SRGAP2: variants seen among roughly 807,000 people sequenced by gnomAD.
The protein encoded by SRGAP2 is SLIT-ROBO Rho GTPase activating protein 2, also known as SLIT-ROBO Rho GTPase-activating protein 2.
A neutral mutation model predicts 57.2 loss-of-function variants in SRGAP2; 15 were observed. The ratio of observed to expected loss-of-function variants is 0.26; its 90% CI spans 0.18 to 0.40. The LOEUF (loss-of-function observed/expected upper bound fraction) is 0.40, where lower values mean the gene tolerates loss of function less well. SRGAP2 is among the 10% of genes least tolerant of loss of function. The pLI is 1.00. For missense variants in SRGAP2, 520 were observed against 669.6 expected (o/e 0.78, Z 2.47); for synonymous variants, 249 against 248.0 (o/e 1.00, Z -0.04).
At chr1:206,445,904 G>T (rs1298230489) in intron 17 of SRGAP2, among the ~76,000 whole-genome samples, 171 bp from the exon 18 acceptor site, 3 of 152,204 alleles carry the variant, frequency 2.0e-5, no homozygotes, top group Non-Finnish European at 2.9e-5. Context: ...TGACCATTCT[G>T]GTTGTCAGTT....
chr1:206,257,337 ATTT>A (rs1163899818), intron 2 of SRGAP2, among the ~76,000 whole-genome samples: 6 of 74,546 alleles, frequency 8.0e-5, no homozygotes, highest in Admixed American at 1.4e-4. Context: ...ACACACTGCT[ATTT>A]TTTTTTTTTT....
intron 2 of SRGAP2, chr1:206,208,282 T>C (rs1553301687): frequency 6.7e-6 from 1 of 149,718 alleles, no homozygotes; most frequent in Non-Finnish European, 1.5e-5. Flanking sequence ...ATAATAATAG[T>C]AATAATGATA....
At chr1:206,274,231 C>G in intron 2 of SRGAP2, among the ~76,000 whole-genome samples, 1 of 143,648 alleles carries the variant, frequency 7.0e-6, no homozygotes. Flanking sequence ...ACAGGAGAAT[C>G]GCTTGAACCT....
intron 3 of SRGAP2, among the ~76,000 whole-genome samples, chr1:206,333,604 G>GT (rs1674548160): frequency 6.6e-6 from 1 of 152,156 alleles, no homozygotes; most frequent in African/African-American, 2.4e-5. Context: ...ATTGTGCACT[G>GT]TGGCCTCAAG....
At position 206,231,840 on chromosome 1, in the gene SRGAP2, G is replaced by A. The variant is rs1259220370; in HGVS notation, c.67+25803G>A. On this transcript the variant is annotated intron_variant, in intron 2 of 22. Transcript: ENST00000573034. The stretch of plus-strand genomic sequence containing the variant: ...GATGTAAGTCATCATGCCCGGCCTC[G>A]TTTCCTAATTTTAAAAATGAAATTG... Among the ~76,000 whole-genome samples the A allele has an allele frequency of 5.9e-5, 9 of 151,948 alleles. No individual in the cohort carries two copies. In the East Asian group the frequency reaches 1.2e-3, roughly 20 times the overall value.
chr1:206,414,964 G>A (rs150206853), intron 10 of SRGAP2, among the ~76,000 whole-genome samples: 157 of 152,270 alleles, frequency 1.0e-3, no homozygotes, highest in Non-Finnish European at 1.7e-3. Context: ...GCATTTTGTC[G>A]TAATGGTTAA....
chr1:206,443,297 T>G (rs1175313824), intron 17 of SRGAP2, among the ~76,000 whole-genome samples: 1 of 152,214 alleles, frequency 6.6e-6, no homozygotes, highest in Non-Finnish European at 1.5e-5. Flanking sequence ...ACACCAAAAA[T>G]TTTAAAGCAG....
chr1:206,266,991 C>T (rs1184570869), intron 2 of SRGAP2, among the ~76,000 whole-genome samples: 189 of 102,290 alleles, frequency 1.8e-3, no homozygotes, highest in African/African-American at 7.6e-3. Flanking sequence ...TTTTTTGAGA[C>T]GGAGTCTTGC....
At chr1:206,313,085 A>G (rs1275581309) in intron 3 of SRGAP2, among the ~76,000 whole-genome samples, 1 of 149,414 alleles carries the variant, frequency 6.7e-6, no homozygotes, top group Non-Finnish European at 1.5e-5. Flanking sequence ...TTTTAGAGCA[A>G]TACTTCTACA....
intron 17 of SRGAP2, among the ~76,000 whole-genome samples, chr1:206,443,742 C>G (rs1275459986): frequency 6.6e-6 from 1 of 152,216 alleles, no homozygotes; most frequent in Non-Finnish European, 1.5e-5. Flanking sequence ...CTAGACACAG[C>G]CTTCAGGGAC....
intron 4 of SRGAP2, among the ~76,000 whole-genome samples, chr1:206,366,769 C>G (rs1393363893): frequency 4.0e-5 from 6 of 148,676 alleles, no homozygotes; most frequent in African/African-American, 1.5e-4. Context: ...TTCCTTGGGG[C>G]TCCCCAAGAA....
Position 206,445,679 on chromosome 1 carries a change from C to T in SRGAP2, c.1875-396C>T, listed in dbSNP as rs560304207. On this transcript the variant is annotated intron_variant, in intron 17 of 22. Coordinates refer to ENST00000573034, the MANE Select transcript of SRGAP2 (RefSeq NM_015326.5). ...TTTACCAGGGCAGCCTGAGGGTCCCCGTCTGCCCTGGCAGCTTAGTATGTT... is the reference window on the plus strand; with the variant it reads ...TTTACCAGGGCAGCCTGAGGGTCCCTGTCTGCCCTGGCAGCTTAGTATGTT... 3.9e-5 allele frequency among the ~76,000 whole-genome samples: 6 copies of T among 152,280 alleles called. No homozygotes were observed. In the East Asian group the frequency reaches 9.7e-4, roughly 25 times the overall value.
chr1:206,378,155 C>T (rs1453987203), intron 4 of SRGAP2, among the ~76,000 whole-genome samples: 3 of 142,658 alleles, frequency 2.1e-5, no homozygotes, highest in African/African-American at 7.9e-5. Flanking sequence ...AGTTTGAGAC[C>T]AGCCTGGGGA....
intron 3 of SRGAP2, among the ~76,000 whole-genome samples, chr1:206,305,939 A>AT (rs1672169746): frequency 6.6e-6 from 1 of 151,890 alleles, no homozygotes; most frequent in African/African-American, 2.4e-5. Flanking sequence ...GAATCATCTG[A>AT]TAAAAAAATG....
intron 11 of SRGAP2, among the ~76,000 whole-genome samples, chr1:206,417,608 C>T (rs1440120728): frequency 3.4e-5 from 5 of 148,318 alleles, no homozygotes; most frequent in Non-Finnish European, 6.0e-5. Context: ...TTAGTAGGGA[C>T]GAGGTTTCAC....
intron 3 of SRGAP2, among the ~76,000 whole-genome samples, chr1:206,334,429 A>T (rs1443081306): frequency 1.3e-5 from 2 of 152,014 alleles, no homozygotes; most frequent in African/African-American, 4.8e-5. Context: ...TTAGATCTAT[A>T]GTTTCACAGA....
chr1:206,260,105 A>G (rs1669457931), intron 2 of SRGAP2, among the ~76,000 whole-genome samples: 1 of 75,564 alleles, frequency 1.3e-5, no homozygotes, highest in African/African-American at 5.2e-5. Context: ...TTGTTTGTAC[A>G]TTTTTAGAAG....
chr1:206,452,909 A>G lies in SRGAP2; in HGVS notation c.2180-291A>G, dbSNP rs868981087. Among the ~76,000 whole-genome samples, 1,199 of 147,140 alleles carry G rather than the reference A, an allele frequency of 8.1e-3. 14 individuals are homozygous for G. The highest frequency in any genetic ancestry group is 0.029 in the African/African-American group (1,135 of 39,040). ...CCAAAAAAAAAAAAAAAAAAAAAAA[A>G]TGGGATGCTTGAGTTGTGTTTTGAT... On this transcript the variant is annotated intron_variant, in intron 19 of 22. Transcript: ENST00000573034.
chr1:206,320,860 A>G (rs1673410681), intron 3 of SRGAP2, among the ~76,000 whole-genome samples: 2 of 151,960 alleles, frequency 1.3e-5, no homozygotes, highest in Non-Finnish European at 2.9e-5. Context: ...TTTTTCTGAA[A>G]CACTTGAGAG....
Sources: allele counts gnomAD v4.1 joint callset (sites outside exome capture counted in the v4.1 genomes callset), GRCh38; gene constraint gnomAD v4.1.1; transcripts MANE v1.5; gene names NCBI Gene and HGNC (gene_info 2026-07-23, HGNC 2026-07-21).